MEST: variants seen among roughly 807,000 people sequenced by gnomAD.
MEST encodes mesoderm-specific transcript homolog protein.
In MEST, 18 loss-of-function variants were observed where a neutral mutation model predicts 50.9. That is an observed-to-expected ratio of 0.35 (90% confidence interval 0.24 to 0.52). MEST has a LOEUF of 0.52. MEST is among the 20% of genes least tolerant of loss of function. The probability of loss-of-function intolerance (pLI) is 0.94; values close to 1 mark genes in which losing one functional copy is unlikely to be tolerated. For missense variants in MEST, 282 were observed against 425.3 expected (o/e 0.66, Z 2.96); for synonymous variants, 130 against 154.1 (o/e 0.84, Z 1.16).
At chr7:130,488,585 G>A (rs1163476570), upstream of MEST, 1 of 152,170 alleles carries the variant, frequency 6.6e-6, no homozygotes, top group Non-Finnish European at 1.5e-5. Flanking sequence ...TTAGCGTTCC[G>A]AGCTGCCGTA....
chr7:130,498,505 T>C (rs375090586), intron 6 of MEST, 28 bp downstream of exon 6: 14 of 1,607,526 alleles, frequency 8.7e-6, no homozygotes, highest in Non-Finnish European at 1.2e-5. Flanking sequence ...AGGTAGAAAG[T>C]GGGTGTAATC....
chr7:130,496,694 A>G (rs1378978286), intron 2 of MEST: 1 of 164,764 alleles, frequency 6.1e-6, no homozygotes, highest in Admixed American at 6.4e-5. Context: ...AGTGCTGAGC[A>G]AACAGCATAA....
At position 130,496,320 on chromosome 7, in the gene MEST, C is replaced by G. The variant is rs138096878; in HGVS notation, c.181+798C>G. 8.1e-5 allele frequency: 31 copies of G among 384,178 alleles called. No homozygotes were observed. The East Asian group carries it at 2.9e-3, about 36-fold the overall frequency. The allele number at this position is 384,178 out of a possible 1,614,324, so 23.8% of individuals were successfully genotyped here. A position where few individuals can be genotyped will look rare whatever the true frequency, so the allele number is the denominator to read the frequency against. The stretch of plus-strand genomic sequence containing the variant: ...GTCCATACAGTTTATTTTTTCCTTA[C>G]ATTTTCAAACTATACTACTTGTATA... On this transcript the variant is annotated intron_variant, in intron 2 of 11. Transcript: ENST00000223215.
At chr7:130,491,773 G>A (rs1798821734), upstream of MEST, among the ~76,000 whole-genome samples, 1 of 152,166 alleles carries the variant, frequency 6.6e-6, no homozygotes, top group Non-Finnish European at 1.5e-5. This position sits in a 1 kb window ranked among gnomAD's most constrained non-coding sequence, Gnocchi z 6.8. Flanking sequence ...GGGGCACTCA[G>A]GGGTCTGCTG....
intron 11 of MEST, 94 bp downstream of exon 11, chr7:130,504,090 T>C: frequency 1.0e-6 from 1 of 995,334 alleles, no homozygotes; most frequent in East Asian, 2.4e-5. Flanking sequence ...GCTCTAGCCA[T>C]TGTCTTTAAC....
At position 130,497,128 on chromosome 7, in the gene MEST, T is replaced by A; in HGVS notation, c.182-28T>A. ...AGGTTATTTTTATAGGGATTTGGCA[T>A]AATTGATTGTACTTTCCTTCTTCCT... On this transcript the variant is annotated intron_variant, in intron 2 of 11. Coordinates refer to ENST00000223215, the MANE Select transcript of MEST (RefSeq NM_002402.4). The surrounding 1 kb of genome is among the most constrained non-coding windows in gnomAD (Gnocchi z 4.0). 2 of 1,581,660 alleles carry A rather than the reference T, an allele frequency of 1.3e-6. No homozygotes were observed. The highest frequency in any genetic ancestry group is 1.7e-6 in the Non-Finnish European group (2 of 1,154,984).
At position 130,497,871 on chromosome 7, in the gene MEST, A is replaced by G. The variant is rs552546962; in HGVS notation, c.262-65A>G. 6.2e-5 allele frequency: 90 copies of G among 1,458,488 alleles called. No individual in the cohort carries two copies. The South Asian group carries it at 6.6e-4, about 11-fold the overall frequency. 90.3% of individuals were successfully genotyped at this position (1,458,488 alleles called of 1,614,324 possible). On this transcript the variant is annotated intron_variant, in intron 3 of 11. Coordinates refer to ENST00000223215, the MANE Select transcript of MEST (RefSeq NM_002402.4). This position sits in a 1 kb window ranked among gnomAD's most constrained non-coding sequence, Gnocchi z 4.0. Reference sequence around the variant, plus strand: ...AAGATAGGGCTGAAGCTCCTGTGCAACTGTAGGTCTGGTGAAAGGGAGGGG... The same window carrying G: ...AAGATAGGGCTGAAGCTCCTGTGCAGCTGTAGGTCTGGTGAAAGGGAGGGG...
intron 9 of MEST, among the ~76,000 whole-genome samples, chr7:130,501,986 CAAA>C (rs3835383): frequency 8.3e-6 from 1 of 121,212 alleles, no homozygotes. Flanking sequence ...GACTCCGTCT[CAAA>C]AAAAAAAAAA....
Position 130,492,257 on chromosome 7 carries a change from C to T in MEST, c.-57C>T. ...CTGGCCAGCTCTGCACGGCTGCGGGCTCTGCGGCGCCCGGTGCTCTGCAAC... is the reference window on the plus strand; with the variant it reads ...CTGGCCAGCTCTGCACGGCTGCGGGTTCTGCGGCGCCCGGTGCTCTGCAAC... On this transcript the variant is annotated 5_prime_UTR_variant, in exon 1 of 12. Coordinates refer to ENST00000223215, the MANE Select transcript of MEST (RefSeq NM_002402.4). The surrounding 1 kb of genome is among the most constrained non-coding windows in gnomAD (Gnocchi z 7.6). 1.5e-6 allele frequency: 2 copies of T among 1,319,308 alleles called. No individual in the cohort carries two copies. The highest frequency in any genetic ancestry group is 3.1e-5 in the East Asian group (1 of 32,120). 81.7% of individuals were successfully genotyped at this position (1,319,308 alleles called of 1,614,324 possible).
Position 130,492,453 on chromosome 7 carries a change from C to A in MEST, c.26+114C>A. 1.0e-6 allele frequency: 1 copy of A among 956,160 alleles called. No homozygotes were observed. The highest frequency in any genetic ancestry group is 1.4e-6 in the Non-Finnish European group (1 of 733,282). The allele number at this position is 956,160 out of a possible 1,614,324, so 59.2% of individuals were successfully genotyped here. A position where few individuals can be genotyped will look rare whatever the true frequency, so the allele number is the denominator to read the frequency against. On this transcript the variant is annotated intron_variant, in intron 1 of 11. Coordinates refer to ENST00000223215, the MANE Select transcript of MEST (RefSeq NM_002402.4). This position sits in a 1 kb window ranked among gnomAD's most constrained non-coding sequence, Gnocchi z 7.6. ...CTGGGGCTGCCTCTGGGCGAAAACT[C>A]TACCGACAGGCGGCACGCATTCCGC...
chr7:130,492,638 A>G lies in MEST; in HGVS notation c.26+299A>G, dbSNP rs1584938634. ...GTCATCTTGATATGACTTAGGATCC[A>G]TAATGACCCTGGTCTCACCCTGATG... On this transcript the variant is annotated intron_variant, in intron 1 of 11. Transcript: ENST00000223215. This position sits in a 1 kb window ranked among gnomAD's most constrained non-coding sequence, Gnocchi z 7.6. 18 of 328,378 alleles carry G rather than the reference A, an allele frequency of 5.5e-5. No homozygotes were observed. The East Asian group carries it at 7.9e-4, about 14-fold the overall frequency. The allele number at this position is 328,378 out of a possible 1,614,324, so 20.3% of individuals were successfully genotyped here. A position where few individuals can be genotyped will look rare whatever the true frequency, so the allele number is the denominator to read the frequency against.
chr7:130,498,065 C>CTA (rs1450862769), intron 4 of MEST, 52 bp downstream of exon 4: 1 of 1,613,630 alleles, frequency 6.2e-7, no homozygotes, highest in Non-Finnish European at 8.5e-7. Flanking sequence ...CAGACGCAGA[C>CTA]TATGAGGGTC....
At chr7:130,498,540 C>G (rs1182364637) in intron 6 of MEST, 63 bp downstream of exon 6, 3 of 1,401,004 alleles carry the variant, frequency 2.1e-6, no homozygotes, top group Non-Finnish European at 3.0e-6. Flanking sequence ...TTAGATACAG[C>G]GGCACCTAAA....
upstream of MEST, chr7:130,489,491 G>T (rs1025736007): frequency 1.3e-5 from 2 of 152,328 alleles, no homozygotes; most frequent in East Asian, 3.9e-4. Flanking sequence ...AGTAAATCAG[G>T]CACATTTAGA....
upstream of MEST, chr7:130,489,419 G>A (rs963244710): frequency 2.0e-5 from 3 of 152,216 alleles, no homozygotes; most frequent in Admixed American, 1.3e-4. Flanking sequence ...GTTTTCTCAG[G>A]GCTCCAAGTG....
chr7:130,495,606 T>C, intron 2 of MEST, 84 bp downstream of exon 2: 3 of 1,366,292 alleles, frequency 2.2e-6, no homozygotes, highest in Non-Finnish European at 3.0e-6. Context: ...TATTGGTCTC[T>C]TGTTGCTCCT....
In MEST at chr7:130,500,681, T is replaced by TATGGGTCAGACTGC. The variant is rs1340215776; in HGVS notation, c.648-103_648-90dup. 1 of 1,194,230 alleles carries TATGGGTCAGACTGC rather than the reference T, an allele frequency of 8.4e-7. No individual in the cohort carries two copies. Among genetic ancestry groups the TATGGGTCAGACTGC allele is most frequent in the Admixed American group, 2.2e-5 (1 of 46,286 alleles). The allele number at this position is 1,194,230 out of a possible 1,614,324, so 74.0% of individuals were successfully genotyped here. A position where few individuals can be genotyped will look rare whatever the true frequency, so the allele number is the denominator to read the frequency against. Reference sequence around the variant, plus strand: ...AAGTAGAAGGAATTCATAAATCACTTATGGGTCAGACTGCATGGCCCAGAC... The same window carrying TATGGGTCAGACTGC: ...AAGTAGAAGGAATTCATAAATCACTTATGGGTCAGACTGCATGGGTCAGACTGCATGGCCCAGAC... On this transcript the variant is annotated intron_variant, in intron 8 of 11. Transcript: ENST00000223215. This position sits in a 1 kb window ranked among gnomAD's most constrained non-coding sequence, Gnocchi z 5.0.
chr7:130,497,075 T>C lies in MEST; in HGVS notation c.182-81T>C. 8.9e-7 allele frequency: 1 copy of C among 1,122,234 alleles called. No homozygotes were observed. Among genetic ancestry groups the C allele is most frequent in the Non-Finnish European group, 1.3e-6 (1 of 777,146 alleles). 69.5% of individuals were successfully genotyped at this position (1,122,234 alleles called of 1,614,324 possible). A position where few individuals can be genotyped will look rare whatever the true frequency, so the allele number is the denominator to read the frequency against. On this transcript the variant is annotated intron_variant, in intron 2 of 11. Coordinates refer to ENST00000223215, the MANE Select transcript of MEST (RefSeq NM_002402.4). The surrounding 1 kb of genome is among the most constrained non-coding windows in gnomAD (Gnocchi z 4.0). ...TGGTCACAGTTGCTTGTTCTTTGTA[T>C]CAGATTACTTAGATTTTAACATCTT...
chr7:130,506,365 T>G lies in MEST; in HGVS notation c.*1309T>G, dbSNP rs1467118704. 1 of 118,692 alleles carries G rather than the reference T, an allele frequency of 8.4e-6. No homozygotes were observed. Among genetic ancestry groups the G allele is most frequent in the East Asian group, 2.8e-4 (1 of 3,532 alleles). 7.4% of individuals were successfully genotyped at this position (118,692 alleles called of 1,614,324 possible). A position where few individuals can be genotyped will look rare whatever the true frequency, so the allele number is the denominator to read the frequency against. On this transcript the variant is annotated 3_prime_UTR_variant, in exon 12 of 12. Transcript: ENST00000223215. ...AAAATTTTCCAGCATTGCCAGGAGC[T>G]TTCAGGTACACATTAAAGAATAAAA...
Sources: gnomAD v4.1 joint callset for allele counts (sites outside exome capture counted in the v4.1 genomes callset) on GRCh38, gnomAD v4.1.1 for gene constraint, Gnocchi (gnomAD v3.1) non-coding constraint, MANE v1.5 for transcripts, NCBI Gene and HGNC (gene_info 2026-07-23, HGNC 2026-07-21) for gene names.